The following SLC25A13 variants were observed in gnomAD, a reference collection of about 807,000 sequenced individuals.
SLC25A13 encodes electrogenic aspartate/glutamate antiporter SLC25A13, mitochondrial.
A neutral mutation model predicts 85.5 loss-of-function variants in SLC25A13; 70 were observed. The ratio of observed to expected loss-of-function variants is 0.82; its 90% CI spans 0.68 to 1.00. SLC25A13 has a LOEUF of 1.00. Ranked by LOEUF, SLC25A13 falls within the 50% of genes least tolerant of loss-of-function variation. SLC25A13 has a pLI of 0.00. For missense variants in SLC25A13, 765 were observed against 819.8 expected (o/e 0.93, Z 0.82); for synonymous variants, 259 against 288.7 (o/e 0.90, Z 1.04).
At chr7:96,155,146 T>G (rs376997094) in intron 13 of SLC25A13, among the ~76,000 whole-genome samples, 16 of 152,124 alleles carry the variant, frequency 1.1e-4, no homozygotes, top group African/African-American at 3.4e-4. Flanking sequence ...CTTTTTCTCT[T>G]TATTGAGAGT....
At chr7:96,254,915 T>C (rs2116877155) in intron 3 of SLC25A13, among the ~76,000 whole-genome samples, 1 of 152,316 alleles carries the variant, frequency 6.6e-6, no homozygotes, top group African/African-American at 2.4e-5. Flanking sequence ...CCTTCTGTTG[T>C]ATAGTTTTGA....
chr7:96,217,428 T>C (rs904562672), intron 4 of SLC25A13, among the ~76,000 whole-genome samples: 2 of 152,228 alleles, frequency 1.3e-5, no homozygotes, highest in African/African-American at 2.4e-5. Context: ...CAAACTCACA[T>C]ACATGAATGT....
At chr7:96,139,159 G>A (rs912476814) in intron 14 of SLC25A13, among the ~76,000 whole-genome samples, 5 of 152,120 alleles carry the variant, frequency 3.3e-5, no homozygotes, top group Admixed American at 1.3e-4. Flanking sequence ...GAATAGGTAG[G>A]TATGATTATT....
At position 96,200,001 on chromosome 7, in the gene SLC25A13, CAAT is replaced by C. The variant is rs1203362876; in HGVS notation, c.469-6821_469-6819del. ...AACAATTTATCAGGAACAACAACAA[CAAT>C]GACAACAAAAACCCAAAAAACCCAG... On this transcript the variant is annotated intron_variant, in intron 5 of 17. Transcript: ENST00000265631. Among the ~76,000 whole-genome samples, 36 of 151,912 alleles carry C rather than the reference CAAT, an allele frequency of 2.4e-4. No homozygotes were observed. The East Asian group carries it at 4.8e-3, about 20-fold the overall frequency.
intron 11 of SLC25A13, among the ~76,000 whole-genome samples, chr7:96,171,972 GT>G (rs1041124907): frequency 2.0e-5 from 3 of 152,240 alleles, no homozygotes; most frequent in African/African-American, 7.2e-5. Flanking sequence ...AATCACAGTT[GT>G]TTTTTCTTGG....
intron 5 of SLC25A13, among the ~76,000 whole-genome samples, chr7:96,193,952 A>G (rs989242252): frequency 6.6e-6 from 1 of 152,214 alleles, no homozygotes; most frequent in African/African-American, 2.4e-5. Flanking sequence ...AAGTCCAATC[A>G]CAGAGCTCTG....
At chr7:96,163,443 T>A (rs1426126061) in intron 13 of SLC25A13, among the ~76,000 whole-genome samples, 2 of 152,252 alleles carry the variant, frequency 1.3e-5, no homozygotes, top group African/African-American at 2.4e-5. Flanking sequence ...CATAACCATA[T>A]AAGGATCCCA....
Position 96,243,703 on chromosome 7 carries a change from C to T in SLC25A13, c.213-8786G>A, listed in dbSNP as rs1003789713. On this transcript the variant is annotated intron_variant, in intron 3 of 17. Transcript: ENST00000265631. ...TTGAGATCTGAATGGTGAAAAGCAGCGGCCAGGAAAAGAGTTGGAGGACAG... is the reference window on the plus strand; with the variant it reads ...TTGAGATCTGAATGGTGAAAAGCAGTGGCCAGGAAAAGAGTTGGAGGACAG... 3.9e-5 allele frequency among the ~76,000 whole-genome samples: 6 copies of T among 152,166 alleles called. No homozygotes were observed. The South Asian group carries it at 1.2e-3, about 32-fold the overall frequency.
chr7:96,288,276 A>G (rs1053438510), intron 2 of SLC25A13, among the ~76,000 whole-genome samples: 17 of 152,192 alleles, frequency 1.1e-4, no homozygotes, highest in African/African-American at 3.9e-4. Context: ...CTAAAAATAC[A>G]AAAATTGGTG....
chr7:96,196,638 A>G (rs1284589964), intron 5 of SLC25A13, among the ~76,000 whole-genome samples: 1 of 152,226 alleles, frequency 6.6e-6, no homozygotes, highest in East Asian at 1.9e-4. Context: ...TTTAAGTCTG[A>G]TGATGAACAA....
chr7:96,229,468 T>G lies in SLC25A13; in HGVS notation c.328+5334A>C, dbSNP rs188503086. Among the ~76,000 whole-genome samples the G allele has an allele frequency of 1.6e-3, 242 of 152,254 alleles. 1 individual carries two copies. The Middle Eastern group carries it at 0.024, about 15-fold the overall frequency. ...GGCAGATAAGGGAATAAAAGCAGGC[T>G]GCCCGAACCAGCAGTGGCAACCTGC... is the stretch of plus-strand genomic sequence containing the variant. On this transcript the variant is annotated intron_variant, in intron 4 of 17. Transcript: ENST00000265631.
At chr7:96,308,876 T>C (rs140646126) in intron 1 of SLC25A13, among the ~76,000 whole-genome samples, 3 of 152,244 alleles carry the variant, frequency 2.0e-5, no homozygotes, top group African/African-American at 7.2e-5. Flanking sequence ...AATAAACCAA[T>C]AGAAAATTGG....
chr7:96,239,680 T>G (rs1796892481), intron 3 of SLC25A13, among the ~76,000 whole-genome samples: 1 of 152,140 alleles, frequency 6.6e-6, no homozygotes. Flanking sequence ...TGAAAGCAAA[T>G]GTACAAGTCA....
intron 15 of SLC25A13, among the ~76,000 whole-genome samples, chr7:96,124,257 G>A (rs1791634360): frequency 6.6e-6 from 1 of 152,188 alleles, no homozygotes; most frequent in East Asian, 1.9e-4. Flanking sequence ...TATAAGGAAA[G>A]TGCTTTTCTT....
intron 3 of SLC25A13, among the ~76,000 whole-genome samples, chr7:96,269,420 TCA>T (rs1477784830): frequency 6.6e-6 from 1 of 152,236 alleles, no homozygotes; most frequent in Non-Finnish European, 1.5e-5. Flanking sequence ...AGCCATGCCC[TCA>T]CAGAGACAGT....
chr7:96,121,327 G>A lies in SLC25A13; in HGVS notation c.1892C>T (p.Ala631Val), dbSNP rs1562773780. The change falls in exon 18 of 18, where the codon GCC becomes GTC. Residue 631 changes from alanine (A) to valine (V), a missense_variant. By Grantham distance (64) the Ala-to-Val change is moderately conservative (BLOSUM62 0). Coordinates refer to ENST00000265631, the MANE Select transcript of SLC25A13 (RefSeq NM_014251.3). ...PVPKSRINLP[A>V]PNPDHVGGYK... ...GCCCCCAACGTGATCAGGATTCGGG[G>A]CAGGCAGGTTGATCCTGGATTTAGG... 1.2e-6 allele frequency: 2 copies of A among 1,614,196 alleles called. No individual in the cohort carries two copies. Among genetic ancestry groups the A allele is most frequent in the East Asian group, 4.5e-5 (2 of 44,886 alleles).
At chr7:96,184,181 T>TA in intron 11 of SLC25A13, 96 bp downstream of exon 11, 1 of 1,447,790 alleles carries the variant, frequency 6.9e-7, no homozygotes, top group Non-Finnish European at 9.7e-7. Flanking sequence ...ATTTCCATTT[T>TA]AACGCAGTCT....
intron 4 of SLC25A13, among the ~76,000 whole-genome samples, chr7:96,226,042 A>T (rs1359094966): frequency 6.7e-6 from 1 of 148,702 alleles, no homozygotes; most frequent in East Asian, 2.0e-4. Context: ...AACACTTAAC[A>T]TGAGATCTAC....
chr7:96,175,700 G>A (rs1794193622), intron 11 of SLC25A13, among the ~76,000 whole-genome samples: 1 of 152,212 alleles, frequency 6.6e-6, no homozygotes, highest in Admixed American at 6.5e-5. Context: ...GCATGGGGTG[G>A]CTTTTAGGGT....
Sources: allele counts gnomAD v4.1 joint callset (sites outside exome capture counted in the v4.1 genomes callset), GRCh38; gene constraint gnomAD v4.1.1; transcripts MANE v1.5; gene names NCBI Gene and HGNC (gene_info 2026-07-23, HGNC 2026-07-21).